FAS: variants seen among roughly 807,000 people sequenced by gnomAD.
FAS encodes tumor necrosis factor receptor superfamily member 6.
A neutral mutation model predicts 33.2 loss-of-function variants in FAS; 5 were observed. The ratio of observed to expected loss-of-function variants is 0.15; its 90% CI spans 0.08 to 0.32. The LOEUF (loss-of-function observed/expected upper bound fraction) is 0.32. FAS is among the 10% of genes least tolerant of loss of function. FAS has a pLI of 1.00. For synonymous variants in FAS, 131 were observed against 130.7 expected (o/e 1.00, Z -0.01); for missense variants, 339 against 386.0 (o/e 0.88, Z 1.02).
In FAS at chr10:89,007,801, A is replaced by C. The variant is rs775030741; in HGVS notation, c.298A>C (p.Lys100Gln). ...EYTDKAHFSSKCRRCRLCDEG... is the reference protein window; with the variant it reads ...EYTDKAHFSSQCRRCRLCDEG... ...CACAGACAAAGCCCATTTTTCTTCC[A>C]AATGCAGAAGATGTAGATTGTGTGA... The change falls in exon 3 of 9, where the codon AAA becomes CAA. Residue 100 changes from lysine (K) to glutamine (Q), a missense_variant. Lys to Gln is a moderately conservative substitution (Grantham distance 53). Transcript: ENST00000652046. The C allele has an allele frequency of 6.2e-7, 1 of 1,614,058 alleles. No homozygotes were observed. The highest frequency in any genetic ancestry group is 1.1e-5 in the South Asian group (1 of 91,086).
chr10:88,998,337 T>TA (rs1372581992), intron 1 of FAS, among the ~76,000 whole-genome samples: 17 of 98,694 alleles, frequency 1.7e-4, no homozygotes, highest in South Asian at 4.1e-4. Context: ...TAGCTTTAGT[T>TA]AAAAAAAAGC....
intron 2 of FAS, among the ~76,000 whole-genome samples, chr10:89,005,063 A>G (rs754737426): frequency 2.0e-5 from 3 of 152,122 alleles, no homozygotes; most frequent in African/African-American, 4.8e-5. Context: ...AATGTTGTTG[A>G]TGAATTTTGT....
At chr10:88,986,264 G>T (rs1321323777), upstream of FAS, among the ~76,000 whole-genome samples, 2 of 152,122 alleles carry the variant, frequency 1.3e-5, no homozygotes, top group East Asian at 3.9e-4. Context: ...TAACACCCAG[G>T]GGGTAGGCAT....
At chr10:88,988,876 T>C (rs1847004370), upstream of FAS, among the ~76,000 whole-genome samples, 2 of 152,300 alleles carry the variant, frequency 1.3e-5, no homozygotes, top group South Asian at 4.1e-4. Flanking sequence ...CAAATTAAAG[T>C]AACCCAGAAT....
chr10:88,990,927 G>A lies in FAS; in HGVS notation c.30+21G>A. The A allele has an allele frequency of 1.9e-6, 3 of 1,614,200 alleles. No individual in the cohort carries two copies. The highest frequency in any genetic ancestry group is 2.5e-6 in the Non-Finnish European group (3 of 1,180,020). ...CTCTGGTGAGCCCTCTCCTGCCCGG[G>A]TGGAGGCTTACCCCGTCTTAGTCCC... On this transcript the variant is annotated intron_variant, in intron 1 of 8. Coordinates refer to ENST00000652046, the MANE Select transcript of FAS (RefSeq NM_000043.6). This position sits in a 1 kb window ranked among gnomAD's most constrained non-coding sequence, Gnocchi z 4.9.
rs1488397263 is a variant in FAS at position 89,015,241 on chromosome 10, C to T, written c.*791C>T. 9.3e-6 allele frequency: 5 copies of T among 534,766 alleles called. No homozygotes were observed. Among genetic ancestry groups the T allele is most frequent in the Non-Finnish European group, 1.8e-5 (5 of 276,676 alleles). 33.1% of individuals were successfully genotyped at this position (534,766 alleles called of 1,614,324 possible). Reference sequence around the variant, plus strand: ...TGGTGCTCATCTTAATGGCCTAATGCACCCCCAAACATGGAAATATCACCA... The same window carrying T: ...TGGTGCTCATCTTAATGGCCTAATGTACCCCCAAACATGGAAATATCACCA... On this transcript the variant is annotated 3_prime_UTR_variant, in exon 9 of 9. Transcript: ENST00000652046.
rs1564692774 is a variant in FAS at position 89,008,884 on chromosome 10, TC to T, written c.335-4del. The T allele has an allele frequency of 6.2e-7, 1 of 1,613,748 alleles. No homozygotes were observed. The highest frequency in any genetic ancestry group is 2.2e-5 in the East Asian group (1 of 44,886). ...TAACTAATAGTTTCCAAACTGATTT[TC>T]TAGGCTTAGAAGTGGAAATAAACTG... is the stretch of plus-strand genomic sequence containing the variant. On this transcript the variant is annotated splice_polypyrimidine_tract_variant and splice_region_variant and intron_variant, in intron 3 of 8. Coordinates refer to ENST00000652046, the MANE Select transcript of FAS (RefSeq NM_000043.6).
At chr10:89,011,758 T>TC (rs1189846136) in intron 6 of FAS, among the ~76,000 whole-genome samples, 1 of 152,356 alleles carries the variant, frequency 6.6e-6, no homozygotes, top group African/African-American at 2.4e-5. Context: ...AAAAGCCATC[T>TC]CCTTGCTAGG....
chr10:88,968,672 C>T (rs1846366496), intron 1 of FAS, among the ~76,000 whole-genome samples: 1 of 152,268 alleles, frequency 6.6e-6, no homozygotes, highest in East Asian at 1.9e-4. Context: ...TAAGGGAAGG[C>T]AGCTTCTGAA....
intron 2 of FAS, 105 bp downstream of exon 2, chr10:89,003,299 T>G: frequency 8.1e-7 from 1 of 1,229,214 alleles, no homozygotes; most frequent in African/African-American, 1.5e-5. Context: ...TCCCCTATAT[T>G]ATATAACATA....
chr10:89,012,156 TC>T, intron 7 of FAS, 75 bp downstream of exon 7: 1 of 1,243,272 alleles, frequency 8.0e-7, no homozygotes, highest in Non-Finnish European at 1.2e-6. Flanking sequence ...TTTTGTTACT[TC>T]CTTTTACTTT....
intron 2 of FAS, among the ~76,000 whole-genome samples, chr10:88,979,183 G>GGTTATGTTGTTGT (rs1275173897): frequency 1.3e-5 from 2 of 152,012 alleles, no homozygotes; most frequent in Non-Finnish European, 2.9e-5. Context: ...GGTTTTAATG[G>GGTTATGTTGTTGT]GTTATGATGT....
chr10:88,970,574 T>C (rs1416355413), intron 1 of FAS, among the ~76,000 whole-genome samples: 1 of 152,116 alleles, frequency 6.6e-6, no homozygotes, highest in Non-Finnish European at 1.5e-5. Flanking sequence ...AAATTGCATT[T>C]AGATAGTCCA....
Position 89,015,852 on chromosome 10 carries a change from G to T in FAS, c.*1402G>T. 1 of 413,460 alleles carries T rather than the reference G, an allele frequency of 2.4e-6. No homozygotes were observed. Among genetic ancestry groups the T allele is most frequent in the Non-Finnish European group, 4.6e-6 (1 of 219,248 alleles). 25.6% of individuals were successfully genotyped at this position (413,460 alleles called of 1,614,324 possible). A position where few individuals can be genotyped will look rare whatever the true frequency, so the allele number is the denominator to read the frequency against. On this transcript the variant is annotated 3_prime_UTR_variant, in exon 9 of 9. Transcript: ENST00000652046. ...TTTGTCTTCCTTTTCTCTAACTGAT[G>T]CTAAATATAACTTGTCTTTAATGCT...
At chr10:89,002,043 T>C (rs1847959218) in intron 1 of FAS, among the ~76,000 whole-genome samples, 1 of 152,216 alleles carries the variant, frequency 6.6e-6, no homozygotes, top group Admixed American at 6.5e-5. Context: ...TTTCCCAGAC[T>C]GGAGGTCTTG....
In FAS at chr10:88,971,600, T is replaced by C. The variant is rs139404043; in HGVS notation, n.95-1582T>C. On this transcript the variant is annotated intron_variant and non_coding_transcript_variant, in intron 1 of 3. Transcript: ENST00000688239. ...GATTTGGATTTGCCTTTTTTTCTTA[T>C]AATAAAAGTCATAATGCCAACCACT... Among the ~76,000 whole-genome samples the C allele has an allele frequency of 1.2e-3, 177 of 152,338 alleles. 2 individuals carry two copies. Among genetic ancestry groups the C allele is most frequent in the African/African-American group, 4.1e-3 (170 of 41,592 alleles).
At chr10:89,002,917 T>C (rs1403714462) in intron 1 of FAS, 112 bp from the exon 2 acceptor site, 2 of 1,092,790 alleles carry the variant, frequency 1.8e-6, no homozygotes, top group Non-Finnish European at 2.7e-6. Flanking sequence ...AGCCCTCACA[T>C]TGTCTTTGCC....
At chr10:88,987,384 T>C (rs1326289196), upstream of FAS, among the ~76,000 whole-genome samples, 1 of 152,328 alleles carries the variant, frequency 6.6e-6, no homozygotes, top group Middle Eastern at 3.4e-3. Context: ...TAGAGTTGGG[T>C]AACTTTGGGT....
chr10:89,011,145 A>G (rs990548030), intron 6 of FAS, among the ~76,000 whole-genome samples: 1 of 152,232 alleles, frequency 6.6e-6, no homozygotes. Context: ...AGAACACAAG[A>G]AGCAAAGGCA....
Sources: gnomAD v4.1 joint callset for allele counts (sites outside exome capture counted in the v4.1 genomes callset) on GRCh38, gnomAD v4.1.1 for gene constraint, Gnocchi (gnomAD v3.1) non-coding constraint, MANE v1.5 for transcripts, NCBI Gene and HGNC (gene_info 2026-07-23, HGNC 2026-07-21) for gene names.